Variants in LRP1B observed in about 807,000 individuals in gnomAD.
LRP1B encodes LDL receptor related protein 1B, also known as low-density lipoprotein receptor-related protein 1B.
In LRP1B, 217 loss-of-function variants were observed where a neutral mutation model predicts 556.6. The ratio of observed to expected loss-of-function variants is 0.39; its 90% CI spans 0.35 to 0.44. The LOEUF (loss-of-function observed/expected upper bound fraction) is 0.44, where lower values mean the gene tolerates loss of function less well. Ranked by LOEUF, LRP1B falls within the 20% of genes least tolerant of loss-of-function variation. LRP1B has a pLI of 1.00. For synonymous variants in LRP1B, 2,047 were observed against 1,865.8 expected (o/e 1.10, Z -2.50); for missense variants, 5,053 against 5,620.8 (o/e 0.90, Z 3.23).
At chr2:140,817,021 T>C (rs1308933014) in intron 31 of LRP1B, among the ~76,000 whole-genome samples, 1 of 152,096 alleles carries the variant, frequency 6.6e-6, no homozygotes, top group Non-Finnish European at 1.5e-5. Context: ...TTAATGCAAT[T>C]AAAACTACTC....
intron 2 of LRP1B, among the ~76,000 whole-genome samples, chr2:141,786,734 G>C (rs1695440005): frequency 6.6e-6 from 1 of 151,844 alleles, no homozygotes; most frequent in African/African-American, 2.4e-5. Context: ...ACCAAAAAAA[G>C]CACGGAACCT....
intron 60 of LRP1B, among the ~76,000 whole-genome samples, chr2:140,462,709 G>A (rs1416561978): frequency 6.6e-6 from 1 of 152,138 alleles, no homozygotes; most frequent in African/African-American, 2.4e-5. Context: ...GGGCAAAGAG[G>A]CAAAGCCAGG....
At chr2:140,780,501 C>T (rs1464878304) in intron 32 of LRP1B, among the ~76,000 whole-genome samples, 2 of 152,140 alleles carry the variant, frequency 1.3e-5, no homozygotes, top group Non-Finnish European at 2.9e-5. Context: ...AACACTGGAG[C>T]ACAGGGGTGT....
rs1304095098 is a variant in LRP1B, at chr2:141,544,337, C to CTTCTTCTTCTTCTTCTTCTTCTTCTT, written c.206-63830_206-63805dup. On this transcript the variant is annotated intron_variant, in intron 2 of 90. Transcript: ENST00000389484. The stretch of plus-strand genomic sequence containing the variant: ...TCTTCTTCTTCTTCTTCTTCTTCTT[C>CTTCTTCTTCTTCTTCTTCTTCTTCTT]TTCTTCTTCTTCTTCTTCTTCTTCT... 5.1e-4 allele frequency among the ~76,000 whole-genome samples: 34 copies of CTTCTTCTTCTTCTTCTTCTTCTTCTT among 67,228 alleles called. 1 individual carries two copies. The highest frequency in any genetic ancestry group is 1.5e-3 in the African/African-American group (26 of 17,484). The allele number at this position is 67,228 out of a possible 152,430, so 44.1% of individuals were successfully genotyped here.
intron 25 of LRP1B, among the ~76,000 whole-genome samples, chr2:140,876,049 T>C (rs1033020175): frequency 1.3e-5 from 2 of 152,050 alleles, no homozygotes; most frequent in Non-Finnish European, 2.9e-5. Flanking sequence ...CAGATGCTCT[T>C]GAATCCAGTT....
intron 23 of LRP1B, chr2:140,899,072 A>G (rs936790276): frequency 1.4e-5 from 4 of 295,032 alleles, no homozygotes; most frequent in South Asian, 3.5e-5. Context: ...ATAAACTTCA[A>G]TAAGTACATG....
At chr2:141,668,704 C>G (rs1418218186) in intron 2 of LRP1B, among the ~76,000 whole-genome samples, 2 of 152,178 alleles carry the variant, frequency 1.3e-5, no homozygotes, top group Non-Finnish European at 2.9e-5. Flanking sequence ...TAATCTGATT[C>G]TTCCTGGAAG....
intron 2 of LRP1B, among the ~76,000 whole-genome samples, chr2:141,808,697 A>C (rs1354374550): frequency 6.6e-6 from 1 of 151,840 alleles, no homozygotes; most frequent in African/African-American, 2.4e-5. Context: ...ATTTTTATAA[A>C]CCCCCAAAAG....
At chr2:141,393,835 C>A (rs1274484921) in intron 3 of LRP1B, among the ~76,000 whole-genome samples, 2 of 151,992 alleles carry the variant, frequency 1.3e-5, no homozygotes, top group East Asian at 3.9e-4. Context: ...TAAAGATGTG[C>A]TTTATACGTG....
chr2:141,440,287 G>A (rs894323000), intron 3 of LRP1B, among the ~76,000 whole-genome samples: 1 of 152,208 alleles, frequency 6.6e-6, no homozygotes, highest in Non-Finnish European at 1.5e-5. Context: ...GCTATTTAGA[G>A]GACTTAGTCT....
chr2:141,500,182 C>T (rs1294432186), intron 2 of LRP1B, among the ~76,000 whole-genome samples: 2 of 152,060 alleles, frequency 1.3e-5, no homozygotes, highest in Non-Finnish European at 2.9e-5. Flanking sequence ...AGTAAAATAA[C>T]CCTTGTCTTC....
intron 72 of LRP1B, among the ~76,000 whole-genome samples, chr2:140,360,321 T>C (rs1274070466): frequency 6.6e-6 from 1 of 151,460 alleles, no homozygotes; most frequent in Non-Finnish European, 1.5e-5. Flanking sequence ...TTGCTTTAAG[T>C]GAAATTTGGT....
At chr2:141,191,979 C>T (rs915984552) in intron 6 of LRP1B, among the ~76,000 whole-genome samples, 1 of 151,898 alleles carries the variant, frequency 6.6e-6, no homozygotes, top group Non-Finnish European at 1.5e-5. Flanking sequence ...CTTCTCTCAA[C>T]TCTTTATCAT....
chr2:140,914,357 C>A (rs1021780178), intron 21 of LRP1B, among the ~76,000 whole-genome samples: 1 of 152,150 alleles, frequency 6.6e-6, no homozygotes, highest in Non-Finnish European at 1.5e-5. Flanking sequence ...AAAATGATTT[C>A]AAGTTAGAAG....
At chr2:141,849,338 C>T (rs749689121) in intron 1 of LRP1B, among the ~76,000 whole-genome samples, 1 of 151,570 alleles carries the variant, frequency 6.6e-6, no homozygotes, top group African/African-American at 2.4e-5. Context: ...ATTGTGACAG[C>T]ATTTTCTTTC....
rs12105302 is a variant in LRP1B at position 141,864,752 on chromosome 2, C to A, written c.83-54351G>T. Among the ~76,000 whole-genome samples the A allele has an allele frequency of 5.3e-5, 8 of 151,918 alleles. No homozygotes were observed. In the South Asian group the frequency reaches 1.7e-3, roughly 32 times the overall value. On this transcript the variant is annotated intron_variant, in intron 1 of 90. Coordinates refer to ENST00000389484, the MANE Select transcript of LRP1B (RefSeq NM_018557.3). ...CAAAAAATATCTGGGCGTGGTGGCA[C>A]ACACCTGTAGTCCCAGCTACTCAGG...
chr2:141,432,677 T>C (rs1029850824), intron 3 of LRP1B, among the ~76,000 whole-genome samples: 2 of 152,038 alleles, frequency 1.3e-5, no homozygotes, highest in African/African-American at 4.8e-5. Flanking sequence ...GTATATTTCA[T>C]CTAATTTGTT....
rs1338919810 is a variant in LRP1B, at chr2:141,096,618, CGGGGAGAGGG to C, written c.1014-34355_1014-34346del. Among the ~76,000 whole-genome samples the C allele has an allele frequency of 8.6e-3, 617 of 71,596 alleles. 11 individuals carry two copies. Among genetic ancestry groups the C allele is most frequent in the Middle Eastern group, 0.027 (3 of 110 alleles). 47.0% of individuals were successfully genotyped at this position (71,596 alleles called of 152,430 possible). A position where few individuals can be genotyped will look rare whatever the true frequency, so the allele number is the denominator to read the frequency against. On this transcript the variant is annotated intron_variant, in intron 7 of 90. Transcript: ENST00000389484. ...TGCACCCTAGCCTGAATGACAAAGA[CGGGGAGAGGG>C]GGAGAGAGAGAGAGAGAGAGAGAGA...
intron 2 of LRP1B, among the ~76,000 whole-genome samples, chr2:141,621,884 T>C (rs543854111): frequency 6.6e-6 from 1 of 152,080 alleles, no homozygotes; most frequent in Non-Finnish European, 1.5e-5. Context: ...CTCTTTTTTG[T>C]TTGTTTGTTT....
Sources: gnomAD v4.1 joint callset for allele counts (sites outside exome capture counted in the v4.1 genomes callset) on GRCh38, gnomAD v4.1.1 for gene constraint, MANE v1.5 for transcripts, NCBI Gene and HGNC (gene_info 2026-07-23, HGNC 2026-07-21) for gene names.